The following KHDC4 variants were observed in gnomAD, a reference collection of about 807,000 sequenced individuals.
KHDC4 encodes the protein KH domain containing 4, pre-mRNA splicing factor, also known as KH homology domain-containing protein 4.
Under a neutral mutation model 74.5 loss-of-function variants are expected in KHDC4, and 19 were observed. That is an observed-to-expected ratio of 0.26 (90% CI 0.18 to 0.37). The LOEUF (loss-of-function observed/expected upper bound fraction) is 0.37, where lower values mean the gene tolerates loss of function less well. KHDC4 is among the 10% of genes least tolerant of loss of function. The pLI is 1.00. For synonymous variants in KHDC4, 253 were observed against 266.1 expected, an observed-to-expected ratio of 0.95 and a Z score of 0.48; for missense variants, 632 against 754.1, an observed-to-expected ratio of 0.84 and a Z score of 1.90.
Position 155,921,615 on chromosome 1 carries a change from G to A in KHDC4, c.1026C>T (p.Pro342=). The change falls in exon 10 of 14, where the codon CCC becomes CCT. Residue 342 remains proline (P), a synonymous_variant. Transcript: ENST00000368321. The part of the protein sequence containing the change: ...TAVPLPGYTQ[P]SAISSVPPQP... Reference sequence around the variant, plus strand: ...GAGGAGGGACACTACTTATAGCAGAGGGTTGTGTATAGCCTGAGGGGGAAG... The same window carrying A: ...GAGGAGGGACACTACTTATAGCAGAAGGTTGTGTATAGCCTGAGGGGGAAG... 1.9e-6 allele frequency: 3 copies of A among 1,613,872 alleles called. No individual in the cohort carries two copies. The highest frequency in any genetic ancestry group is 2.5e-6 in the Non-Finnish European group (3 of 1,179,830).
chr1:155,930,919 C>G (rs1482097301), intron 2 of KHDC4, among the ~76,000 whole-genome samples: 1 of 152,076 alleles, frequency 6.6e-6, no homozygotes, highest in Admixed American at 6.6e-5. Flanking sequence ...GAGGCTCAGG[C>G]AGAATTGCTT....
rs754633002 is a variant in KHDC4 at position 155,914,309 on chromosome 1, T to C, written c.1657A>G (p.Lys553Glu). ...TLTGSHDYPA[K>E]KMKTTEKGFG... is the part of the protein sequence containing the mutation. Reference sequence around the variant, plus strand: ...CCCTTCTCTGTAGTTTTCATCTTCTTGGCTGGATAATCTAGAATAGAGAAA... The same window carrying C: ...CCCTTCTCTGTAGTTTTCATCTTCTCGGCTGGATAATCTAGAATAGAGAAA... Residue 553 changes from lysine (K) to glutamate (E), a missense_variant, in exon 14 of 14, where the codon AAG becomes GAG. By Grantham distance (56) the Lys-to-Glu change is moderately conservative (BLOSUM62 1). This residue lies in a region of KHDC4 where 254 missense variants were observed against 267.4 expected (regional missense o/e 0.95). Coordinates refer to ENST00000368321, the MANE Select transcript of KHDC4 (RefSeq NM_014949.4). 1 of 1,613,688 alleles carries C rather than the reference T, an allele frequency of 6.2e-7. No individual in the cohort carries two copies. The highest frequency in any genetic ancestry group is 8.5e-7 in the Non-Finnish European group (1 of 1,179,740).
intron 6 of KHDC4, 157 bp from the exon 7 acceptor site, chr1:155,926,000 A>G (rs1407284880): frequency 1.3e-6 from 1 of 779,342 alleles, no homozygotes; most frequent in Non-Finnish European, 2.3e-6. Context: ...CTCTTCAGTG[A>G]AGGCTGCTCT....
rs370927144 is a variant in KHDC4, at chr1:155,934,392, A to C, written c.-19T>G. The C allele has an allele frequency of 1.2e-6, 2 of 1,611,084 alleles. No individual in the cohort carries two copies. The highest frequency in any genetic ancestry group is 1.1e-5 in the South Asian group (1 of 90,954). ...CGGACATGGCGACCGCTTCTACTCA[A>C]CCACCCGCCAACTATCCGACTACCA... is the stretch of plus-strand genomic sequence containing the variant. On this transcript the variant is annotated 5_prime_UTR_variant, in exon 1 of 14. Coordinates refer to ENST00000368321, the MANE Select transcript of KHDC4 (RefSeq NM_014949.4).
chr1:155,922,126 A>C, intron 8 of KHDC4: 1 of 336,364 alleles, frequency 3.0e-6, no homozygotes, highest in Non-Finnish European at 5.5e-6. Context: ...CAGTGGCGCG[A>C]TCTTGTATCA....
chr1:155,914,456 G>C (rs1290000392), intron 13 of KHDC4, 136 bp from the exon 14 acceptor site: 2 of 681,186 alleles, frequency 2.9e-6, no homozygotes, highest in African/African-American at 3.6e-5. Context: ...CAGGGTCAAT[G>C]GTCACCCAAA....
chr1:155,924,816 C>T lies in KHDC4; in HGVS notation c.893+816G>A, dbSNP rs368150510. Among the ~76,000 whole-genome samples, 68 of 151,552 alleles carry T rather than the reference C, an allele frequency of 4.5e-4. 1 individual carries two copies. The East Asian group carries it at 9.6e-3, about 21-fold the overall frequency. ...CTCGAACTCCTGACCTCAAGTGATC[C>T]GCCTGCCTCGGCCTCCCAAAGTGCT... is the stretch of plus-strand genomic sequence containing the variant. On this transcript the variant is annotated intron_variant, in intron 7 of 13. Coordinates refer to ENST00000368321, the MANE Select transcript of KHDC4 (RefSeq NM_014949.4).
intron 12 of KHDC4, among the ~76,000 whole-genome samples, chr1:155,916,261 C>G (rs114362911): frequency 0.015 from 2,328 of 152,260 alleles, 49 homozygotes; most frequent in African/African-American, 0.053. Flanking sequence ...AGGCTGAACT[C>G]CCACATTCAT....
At chr1:155,933,893 G>A (rs1350812767) in intron 1 of KHDC4, 44 bp from the exon 2 acceptor site, 4 of 1,426,288 alleles carry the variant, frequency 2.8e-6, no homozygotes, top group East Asian at 2.5e-5. Flanking sequence ...AAGCTTTCGT[G>A]TATGTTATTC....
chr1:155,934,385 C>T lies in KHDC4; in HGVS notation c.-12G>A, dbSNP rs772509354. On this transcript the variant is annotated 5_prime_UTR_variant, in exon 1 of 14. Transcript: ENST00000368321. ...CTCCCCGCGGACATGGCGACCGCTTCTACTCAACCACCCGCCAACTATCCG... is the reference window on the plus strand; with the variant it reads ...CTCCCCGCGGACATGGCGACCGCTTTTACTCAACCACCCGCCAACTATCCG... 2 of 1,612,102 alleles carry T rather than the reference C, an allele frequency of 1.2e-6. No individual in the cohort carries two copies. Among genetic ancestry groups the T allele is most frequent in the Non-Finnish European group, 1.7e-6 (2 of 1,179,896 alleles).
chr1:155,916,024 G>T, intron 12 of KHDC4, 60 bp from the exon 13 acceptor site: 3 of 1,090,912 alleles, frequency 2.7e-6, no homozygotes, highest in Non-Finnish European at 4.1e-6. Flanking sequence ...AACTTATCCA[G>T]TGGATTAGAA....
intron 10 of KHDC4, among the ~76,000 whole-genome samples, chr1:155,920,299 G>A (rs1392693100): frequency 9.9e-5 from 15 of 151,814 alleles, no homozygotes; most frequent in Admixed American, 4.6e-4. Context: ...TTAGCCAGGC[G>A]TGGTGGTGGG....
chr1:155,919,896 CT>C, intron 10 of KHDC4: 2 of 295,518 alleles, frequency 6.8e-6, no homozygotes, highest in Non-Finnish European at 1.4e-5. Flanking sequence ...TAGTTCATAG[CT>C]TTTTTGTTAC....
chr1:155,917,702 A>G (rs771975907), intron 10 of KHDC4, 30 bp from the exon 11 acceptor site: 5 of 1,452,062 alleles, frequency 3.4e-6, no homozygotes, highest in South Asian at 1.4e-5. Context: ...AGGAAGAAAA[A>G]AAGTGTGAGA....
intron 2 of KHDC4, among the ~76,000 whole-genome samples, chr1:155,932,029 A>G (rs1674152612): frequency 1.3e-5 from 2 of 152,212 alleles, no homozygotes; most frequent in African/African-American, 4.8e-5. Flanking sequence ...ATGTGACTAA[A>G]GGTCTAAATT....
intron 12 of KHDC4, 133 bp downstream of exon 12, chr1:155,916,492 A>C (rs1287024211): frequency 3.0e-6 from 2 of 676,790 alleles, no homozygotes; most frequent in African/African-American, 3.6e-5. Flanking sequence ...CAATTACAAC[A>C]AACAGAAGCA....
At chr1:155,922,192 G>A (rs1261480379) in intron 8 of KHDC4, among the ~76,000 whole-genome samples, 2 of 142,218 alleles carry the variant, frequency 1.4e-5, no homozygotes, top group Admixed American at 7.7e-5. Context: ...GTCACCCAGG[G>A]TACAATGCAA....
In KHDC4 at chr1:155,925,841, C is replaced by T; in HGVS notation, c.684G>A (p.Met228Ile). Residue 228 changes from methionine to isoleucine, a missense_variant and splice_region_variant, in exon 7 of 14, where the codon ATG (methionine) becomes ATA (isoleucine). Coordinates refer to ENST00000368321, the MANE Select transcript of KHDC4 (RefSeq NM_014949.4). ...CAAATAATTTATCTTGAACATAATG[C>T]ATCTGTAGGAAGAACAGAATACTTC... ...VSQKPPFQSG[M>I]HYVQDKLFVG... 2 of 1,602,798 alleles carry T rather than the reference C, an allele frequency of 1.2e-6. No individual in the cohort carries two copies. The highest frequency in any genetic ancestry group is 1.7e-5 in the Admixed American group (1 of 60,002).
At chr1:155,934,129 C>G (rs1038941611) in intron 1 of KHDC4, among the ~76,000 whole-genome samples, 2 of 152,132 alleles carry the variant, frequency 1.3e-5, no homozygotes, top group African/African-American at 4.8e-5. Flanking sequence ...CTTGGCTCGC[C>G]CTTCCAAAAG....
Sources: allele counts gnomAD v4.1 joint callset (sites outside exome capture counted in the v4.1 genomes callset), GRCh38; gene constraint gnomAD v4.1.1; regional missense constraint gnomAD v4.1.1; transcripts MANE v1.5; gene names NCBI Gene and HGNC (gene_info 2026-07-23, HGNC 2026-07-21).